RTN4: variants seen among roughly 807,000 people sequenced by gnomAD.
The protein encoded by RTN4 is reticulon-4.
A neutral mutation model predicts 90.4 loss-of-function variants in RTN4; 32 were observed. That is an observed-to-expected ratio of 0.35 (90% confidence interval 0.27 to 0.48). RTN4 has a LOEUF of 0.48. RTN4 is among the 20% of genes least tolerant of loss of function. The pLI is 0.99. For missense variants in RTN4, 1,706 were observed against 1,430.2 expected (o/e 1.19, Z -3.11); for synonymous variants, 629 against 552.5 (o/e 1.14, Z -1.94).
chr2:55,094,617 A>G (rs974642724), intron 1 of RTN4, among the ~76,000 whole-genome samples: 2 of 152,210 alleles, frequency 1.3e-5, no homozygotes, highest in African/African-American at 4.8e-5. Flanking sequence ...CAACAGAGCC[A>G]TGCTATGTGG....
intron 3 of RTN4, among the ~76,000 whole-genome samples, chr2:54,998,489 C>T (rs1012421557): frequency 9.9e-5 from 15 of 152,202 alleles, no homozygotes; most frequent in South Asian, 2.1e-4. Context: ...AATGTTTCTA[C>T]GCTTTAGACT....
Position 55,025,425 on chromosome 2 carries a change from G to A in RTN4, c.2674C>T (p.Leu892=), listed in dbSNP as rs199778380. The A allele has an allele frequency of 6.2e-7, 1 of 1,613,828 alleles. No individual in the cohort carries two copies. Among genetic ancestry groups the A allele is most frequent in the South Asian group, 1.1e-5 (1 of 91,060 alleles). The part of the protein sequence containing the change: ...FSKLAREYTD[L]EVSHKSEIAN... Reference sequence around the variant, plus strand: ...ATTTCACTTTTGTGGGATACTTCTAGGTCAGTATATTCCCTGGCTAATTTA... The same window carrying A: ...ATTTCACTTTTGTGGGATACTTCTAAGTCAGTATATTCCCTGGCTAATTTA... Residue 892 remains leucine, a synonymous_variant, in exon 3 of 9, where the codon CTA becomes TTA. Transcript: ENST00000337526.
chr2:55,052,086 G>A (rs1459085424), upstream of RTN4, among the ~76,000 whole-genome samples: 1 of 152,192 alleles, frequency 6.6e-6, no homozygotes, highest in East Asian at 1.9e-4. Context: ...GTGGAACACA[G>A]AAGATTTTGG....
At chr2:54,979,215 G>A (rs1250575300) in intron 5 of RTN4, among the ~76,000 whole-genome samples, 1 of 117,202 alleles carries the variant, frequency 8.5e-6, no homozygotes, top group Non-Finnish European at 1.8e-5. Context: ...ACCATGGCTG[G>A]CTGATTTTTC....
chr2:55,111,652 C>T (rs998931267), intron 1 of RTN4, among the ~76,000 whole-genome samples: 1 of 151,958 alleles, frequency 6.6e-6, no homozygotes, highest in Admixed American at 6.5e-5. Flanking sequence ...GTGTTTGGGG[C>T]TGTTTAGGAG....
chr2:55,099,001 T>G (rs889833202), intron 1 of RTN4, among the ~76,000 whole-genome samples: 13 of 152,138 alleles, frequency 8.5e-5, no homozygotes, highest in Admixed American at 3.3e-4. Context: ...AGGTCCGTAC[T>G]GTTTGGTTGT....
rs1445040736 is a variant in RTN4 at position 55,026,684 on chromosome 2, G to C, written c.1415C>G (p.Thr472Ser). ...ITCAPFNPAATESIATNIFPL... is the reference protein window; with the variant it reads ...ITCAPFNPAASESIATNIFPL... ...AAAAATGTTTGTTGCAATGCTCTCA[G>C]TTGCTGCTGGGTTAAAGGGAGCACA... The change falls in exon 3 of 9, where the codon ACT becomes AGT. Residue 472 changes from threonine to serine, a missense_variant. Physicochemically the swap from Thr to Ser is moderately conservative, Grantham distance 58. Transcript: ENST00000337526. 1 of 1,613,668 alleles carries C rather than the reference G, an allele frequency of 6.2e-7. No homozygotes were observed. Among genetic ancestry groups the C allele is most frequent in the Non-Finnish European group, 8.5e-7 (1 of 1,179,866 alleles).
At chr2:55,133,989 C>T in the RTN4 span, among the ~76,000 whole-genome samples, 2 of 152,134 alleles carry the variant, frequency 1.3e-5, no homozygotes, top group Non-Finnish European at 1.5e-5. Context: ...TAATCACATG[C>T]TAAACAAAGA....
At chr2:55,078,919 C>A (rs953869415) in intron 2 of RTN4, among the ~76,000 whole-genome samples, 1 of 152,156 alleles carries the variant, frequency 6.6e-6, no homozygotes, top group African/African-American at 2.4e-5. Context: ...TTCGATTCAT[C>A]TGACCATCCT....
At chr2:55,032,056 C>T (rs189583125) in intron 1 of RTN4, among the ~76,000 whole-genome samples, 76 of 150,806 alleles carry the variant, frequency 5.0e-4, no homozygotes, top group African/African-American at 1.6e-3. Context: ...CAAATATAAA[C>T]AAACAAATAA....
chr2:55,123,872 T>C, the RTN4 span, among the ~76,000 whole-genome samples: 2 of 152,134 alleles, frequency 1.3e-5, no homozygotes, highest in Non-Finnish European at 2.9e-5. Flanking sequence ...TTGCAAATTG[T>C]GTAGCCAGCC....
chr2:55,037,910 A>T (rs899849744), intron 1 of RTN4, among the ~76,000 whole-genome samples: 2 of 152,210 alleles, frequency 1.3e-5, no homozygotes, highest in African/African-American at 4.8e-5. Context: ...TAAAACTACA[A>T]TAATCAAGTA....
intron 4 of RTN4, among the ~76,000 whole-genome samples, chr2:54,985,350 G>A (rs1444386702): frequency 6.6e-6 from 1 of 151,586 alleles, no homozygotes; most frequent in Non-Finnish European, 1.5e-5. Flanking sequence ...GTAGAGATGG[G>A]AGTCTCACTA....
At chr2:54,988,594 T>G (rs1230327168) in intron 3 of RTN4, among the ~76,000 whole-genome samples, 1 of 152,140 alleles carries the variant, frequency 6.6e-6, no homozygotes, top group Non-Finnish European at 1.5e-5. Flanking sequence ...TAACTTAACC[T>G]GGCTATCATT....
chr2:55,027,306 G>C lies in RTN4; in HGVS notation c.793C>G (p.Leu265Val). ...GAAGCTTCACTGACATTTTCTTGAA[G>C]TGTTCCTTCAGTGGGTAATACTGTT... ...LSTVLPTEGT[L>V]QENVSEASKE... The change falls in exon 3 of 9, where the codon CTT (leucine) becomes GTT (valine). Residue 265 changes from leucine to valine, a missense_variant. Physicochemically the swap from Leu to Val is conservative, Grantham distance 32. Transcript: ENST00000337526. 1 of 1,613,662 alleles carries C rather than the reference G, an allele frequency of 6.2e-7. No homozygotes were observed. The highest frequency in any genetic ancestry group is 8.5e-7 in the Non-Finnish European group (1 of 1,179,716).
chr2:55,131,954 T>C, the RTN4 span, among the ~76,000 whole-genome samples: 1 of 152,250 alleles, frequency 6.6e-6, no homozygotes, highest in Non-Finnish European at 1.5e-5. Context: ...TAACAATTAC[T>C]GTTAACTGTG....
chr2:55,122,564 T>C, the RTN4 span, among the ~76,000 whole-genome samples: 2 of 152,190 alleles, frequency 1.3e-5, no homozygotes, highest in African/African-American at 2.4e-5. Context: ...GATGAGACGA[T>C]GGAGCAGGCA....
intron 2 of RTN4, among the ~76,000 whole-genome samples, chr2:55,066,161 G>A (rs1668385439): frequency 6.8e-6 from 1 of 146,704 alleles, no homozygotes; most frequent in African/African-American, 2.5e-5. Context: ...TTGTTAGTAT[G>A]AACCCATTTG....
At chr2:55,102,795 G>A (rs1254320568) in intron 1 of RTN4, among the ~76,000 whole-genome samples, 1 of 152,090 alleles carries the variant, frequency 6.6e-6, no homozygotes, top group African/African-American at 2.4e-5. Flanking sequence ...TTTTTCTAAA[G>A]ACAATTCAAA....
Sources: allele counts gnomAD v4.1 joint callset (sites outside exome capture counted in the v4.1 genomes callset), GRCh38; gene constraint gnomAD v4.1.1; transcripts MANE v1.5; gene names NCBI Gene and HGNC (gene_info 2026-07-23, HGNC 2026-07-21).